Variants in CDH13 observed in about 807,000 individuals in gnomAD.
CDH13 encodes cadherin-13.
Under a neutral mutation model 63.8 loss-of-function variants are expected in CDH13, and 24 were observed. The observed-to-expected ratio is 0.38, with a 90% CI of 0.27 to 0.53. CDH13 has a LOEUF of 0.53. Among genes scored for constraint, CDH13 ranks in the 20% least tolerant of loss-of-function variants. The pLI, the probability that CDH13 is intolerant of heterozygous loss-of-function variation, is 0.85. For missense variants in CDH13, 1,049 were observed against 903.1 expected, an observed-to-expected ratio of 1.16 and a Z score of -2.07; for synonymous variants, 503 against 355.3, an observed-to-expected ratio of 1.42 and a Z score of -4.67.
At chr16:83,746,525 T>C (rs974583289) in intron 10 of CDH13, among the ~76,000 whole-genome samples, 3 of 152,218 alleles carry the variant, frequency 2.0e-5, no homozygotes, top group Admixed American at 2.0e-4. Context: ...GGTAGATATC[T>C]TTTTCCCGTG....
intron 1 of CDH13, among the ~76,000 whole-genome samples, chr16:82,721,630 A>G (rs943249068): frequency 1.3e-5 from 2 of 152,178 alleles, no homozygotes; most frequent in African/African-American, 4.8e-5. Context: ...AAGATGAACC[A>G]TAGGAATGAA....
intron 7 of CDH13, among the ~76,000 whole-genome samples, chr16:83,523,995 C>A (rs895489100): frequency 6.6e-6 from 1 of 152,182 alleles, no homozygotes; most frequent in Admixed American, 6.5e-5. Context: ...ACCTCTCAAC[C>A]AAGATTCTTA....
intron 2 of CDH13, among the ~76,000 whole-genome samples, chr16:83,028,729 C>G (rs1295659438): frequency 6.6e-6 from 1 of 152,094 alleles, no homozygotes; most frequent in Non-Finnish European, 1.5e-5. Flanking sequence ...GAAAATGGCA[C>G]ACAATTTGAA....
chr16:83,771,704 A>G (rs2150998912), intron 11 of CDH13, among the ~76,000 whole-genome samples: 1 of 152,292 alleles, frequency 6.6e-6, no homozygotes, highest in African/African-American at 2.4e-5. Flanking sequence ...TAGGTTGGAG[A>G]TCTCTCAGTC....
At chr16:82,834,693 C>T (rs912223281) in intron 1 of CDH13, among the ~76,000 whole-genome samples, 2 of 152,178 alleles carry the variant, frequency 1.3e-5, no homozygotes, top group African/African-American at 4.8e-5. Flanking sequence ...TCTGCTCACG[C>T]ACTTGGCTCC....
In CDH13 at chr16:83,780,068, T is replaced by A. The variant is rs1411750042; in HGVS notation, c.1782T>A (p.Asp594Glu). Residue 594 changes from aspartate to glutamate, a missense_variant, in exon 12 of 14, where the codon GAT (aspartate) becomes GAA (glutamate). Transcript: ENST00000567109. The stretch of plus-strand genomic sequence containing the variant: ...ACCCCACAGTAGCTGAAGTCTGTGA[T>A]GATGCCAAAAACCTCAGTGTAGTCA... ...FIYPTVAEVC[D>E]DAKNLSVVIL... The A allele has an allele frequency of 6.2e-7, 1 of 1,613,978 alleles. No individual in the cohort carries two copies. The highest frequency in any genetic ancestry group is 1.1e-5 in the South Asian group (1 of 91,080).
intron 1 of CDH13, among the ~76,000 whole-genome samples, chr16:82,627,482 C>T (rs958127923): frequency 3.3e-5 from 5 of 152,104 alleles, no homozygotes; most frequent in African/African-American, 1.2e-4. Flanking sequence ...TTCCCTCCTC[C>T]GGAGGCTCGG....
Position 82,656,530 on chromosome 16 carries a change from C to T in CDH13, c.45+29393C>T, listed in dbSNP as rs181655849. Among the ~76,000 whole-genome samples the T allele has an allele frequency of 2.6e-5, 4 of 152,308 alleles. No individual in the cohort carries two copies. The East Asian group carries it at 7.7e-4, about 29-fold the overall frequency. ...GCCTTGTCCCACTATCAACATCCCA[C>T]ATCAGAATGGTACATTTGTTACAGT... On this transcript the variant is annotated intron_variant, in intron 1 of 13. Coordinates refer to ENST00000567109, the MANE Select transcript of CDH13 (RefSeq NM_001257.5).
intron 2 of CDH13, among the ~76,000 whole-genome samples, chr16:83,004,399 G>A (rs1485597410): frequency 6.6e-6 from 1 of 152,196 alleles, no homozygotes; most frequent in African/African-American, 2.4e-5. Context: ...TACAAAAACA[G>A]AAGCTTAAAC....
intron 8 of CDH13, among the ~76,000 whole-genome samples, chr16:83,643,625 T>G (rs1323021020): frequency 6.6e-6 from 1 of 152,168 alleles, no homozygotes; most frequent in Non-Finnish European, 1.5e-5. Flanking sequence ...CTGCTTTGGG[T>G]GATCTTGGCC....
At chr16:83,564,400 T>G (rs995299147) in intron 7 of CDH13, among the ~76,000 whole-genome samples, 11 of 1,524 alleles carry the variant, frequency 7.2e-3, no homozygotes, top group Non-Finnish European at 0.023. Context: ...GGATGACTCT[T>G]TTTTTTTTTT....
intron 1 of CDH13, among the ~76,000 whole-genome samples, chr16:82,784,547 T>C (rs1567530760): frequency 6.6e-6 from 1 of 152,184 alleles, no homozygotes; most frequent in East Asian, 1.9e-4. Context: ...GATACAGCTG[T>C]CCACAGAATA....
chr16:83,554,627 C>G (rs866473593), intron 7 of CDH13, among the ~76,000 whole-genome samples: 1 of 151,928 alleles, frequency 6.6e-6, no homozygotes, highest in African/African-American at 2.4e-5. Context: ...AAAACTGTCA[C>G]AAAAGACTGC....
intron 1 of CDH13, among the ~76,000 whole-genome samples, chr16:82,658,724 G>C (rs1318619243): frequency 6.6e-6 from 1 of 152,158 alleles, no homozygotes; most frequent in Non-Finnish European, 1.5e-5. Context: ...ATGATGGTTT[G>C]CCGTGACCTC....
chr16:83,349,061 C>G (rs938296325), intron 6 of CDH13, among the ~76,000 whole-genome samples: 2 of 152,216 alleles, frequency 1.3e-5, no homozygotes, highest in Non-Finnish European at 2.9e-5. Flanking sequence ...TATGTGCAGA[C>G]AGGAGACCAT....
intron 6 of CDH13, among the ~76,000 whole-genome samples, chr16:83,404,596 T>C (rs1331878977): frequency 6.6e-6 from 1 of 152,238 alleles, no homozygotes; most frequent in African/African-American, 2.4e-5. Context: ...ATGGCATAGA[T>C]GTGTGTGCAC....
chr16:82,884,916 C>A (rs1384261446), intron 2 of CDH13, among the ~76,000 whole-genome samples: 1 of 152,232 alleles, frequency 6.6e-6, no homozygotes. Context: ...TAGCCAGCTA[C>A]AGCTCTAGTC....
At chr16:83,046,121 T>G (rs934586872) in intron 3 of CDH13, among the ~76,000 whole-genome samples, 2 of 152,172 alleles carry the variant, frequency 1.3e-5, no homozygotes, top group African/African-American at 4.8e-5. Context: ...ATAGTTGATG[T>G]TGTCTTTTTT....
intron 7 of CDH13, among the ~76,000 whole-genome samples, chr16:83,521,911 G>A (rs1448880172): frequency 1.2e-4 from 19 of 152,240 alleles, no homozygotes; most frequent in Admixed American, 1.2e-3. Context: ...GGTCGTTGAA[G>A]TTTAAATGAA....
Sources: allele counts gnomAD v4.1 joint callset (sites outside exome capture counted in the v4.1 genomes callset), GRCh38; gene constraint gnomAD v4.1.1; transcripts MANE v1.5; gene names NCBI Gene and HGNC (gene_info 2026-07-23, HGNC 2026-07-21).